The following UBE2E2 variants were observed in gnomAD, a reference collection of about 807,000 sequenced individuals.
UBE2E2 encodes the protein ubiquitin conjugating enzyme E2 E2, also known as ubiquitin-conjugating enzyme E2 E2.
UBE2E2 carries 6 observed loss-of-function variants against 24.7 expected under a neutral mutation model. The ratio of observed to expected loss-of-function variants is 0.24; its 90% CI spans 0.13 to 0.48. UBE2E2 has a LOEUF of 0.48. UBE2E2 is among the 20% of genes least tolerant of loss of function. The pLI is 0.99. For synonymous variants in UBE2E2, 104 were observed against 83.6 expected, an observed-to-expected ratio of 1.24 and a Z score of -1.33; for missense variants, 169 against 245.0, an observed-to-expected ratio of 0.69 and a Z score of 2.07.
chr3:23,319,017 G>A (rs1004968928), intron 3 of UBE2E2, among the ~76,000 whole-genome samples: 10 of 152,146 alleles, frequency 6.6e-5, no homozygotes, highest in Non-Finnish European at 1.0e-4. Flanking sequence ...GGAGAATGTT[G>A]TGTGTTTAAG....
chr3:23,407,046 T>C lies in UBE2E2; in HGVS notation c.228-92562T>C, dbSNP rs1697371830. ...TGGTGATACTTTTAATTCATTGGAT[T>C]ATTCCCTTCCCCAGTTCCCCAAGTA... On this transcript the variant is annotated intron_variant, in intron 3 of 5. Coordinates refer to ENST00000396703, the MANE Select transcript of UBE2E2 (RefSeq NM_152653.4). This position sits in a 1 kb window ranked among gnomAD's most constrained non-coding sequence, Gnocchi z 4.0. Among the ~76,000 whole-genome samples the C allele has an allele frequency of 6.6e-6, 1 of 152,196 alleles. No individual in the cohort carries two copies.
intron 3 of UBE2E2, among the ~76,000 whole-genome samples, chr3:23,343,717 G>C (rs75966419): frequency 0.029 from 4,393 of 152,266 alleles, 110 homozygotes; most frequent in East Asian, 0.13. Flanking sequence ...TCCTTTCCAA[G>C]GAGACCTCGT....
At chr3:23,277,468 CTAT>C (rs1698397367) in intron 3 of UBE2E2, among the ~76,000 whole-genome samples, 1 of 152,090 alleles carries the variant, frequency 6.6e-6, no homozygotes, top group Non-Finnish European at 1.5e-5. Context: ...ACCTCATAGA[CTAT>C]CTAACTCTAA....
In UBE2E2 at chr3:23,436,549, C is replaced by G. The variant is rs1034097356; in HGVS notation, c.228-63059C>G. On this transcript the variant is annotated intron_variant, in intron 3 of 5. Coordinates refer to ENST00000396703, the MANE Select transcript of UBE2E2 (RefSeq NM_152653.4). ...ATCTGAGTATAAGTTCTAATTATAT[C>G]TTGATTTACAGAAGATTTTTTTTTT... Among the ~76,000 whole-genome samples, 7 of 146,570 alleles carry G rather than the reference C, an allele frequency of 4.8e-5. No individual in the cohort carries two copies. In the South Asian group the frequency reaches 1.5e-3, roughly 32 times the overall value.
chr3:23,220,117 A>G (rs993262499), intron 3 of UBE2E2, among the ~76,000 whole-genome samples: 93 of 152,316 alleles, frequency 6.1e-4, no homozygotes, highest in African/African-American at 2.2e-3. Context: ...CACAGCATTC[A>G]GTGTAGATAA....
intron 3 of UBE2E2, among the ~76,000 whole-genome samples, chr3:23,312,345 G>A (rs1275346949): frequency 1.3e-5 from 2 of 152,102 alleles, no homozygotes; most frequent in Non-Finnish European, 2.9e-5. Context: ...AATCATATCA[G>A]GGTAAATGTA....
At chr3:23,519,372 C>T (rs1249030753) in intron 4 of UBE2E2, among the ~76,000 whole-genome samples, 2 of 151,874 alleles carry the variant, frequency 1.3e-5, no homozygotes, top group Non-Finnish European at 1.5e-5. Context: ...CCAACTAAAA[C>T]TTTCAAATAT....
At chr3:23,318,644 C>T (rs766556156) in intron 3 of UBE2E2, among the ~76,000 whole-genome samples, 4 of 152,070 alleles carry the variant, frequency 2.6e-5, no homozygotes, top group Admixed American at 6.6e-5. Flanking sequence ...AGGGGAAACC[C>T]CTTATAAAAA....
intron 4 of UBE2E2, among the ~76,000 whole-genome samples, chr3:23,501,042 G>C (rs1179923033): frequency 2.0e-5 from 3 of 152,032 alleles, no homozygotes; most frequent in Middle Eastern, 3.4e-3. Flanking sequence ...CCCTTTACTG[G>C]ATGGGACCCT....
chr3:23,382,938 C>T (rs934621859), intron 3 of UBE2E2, among the ~76,000 whole-genome samples: 13 of 151,966 alleles, frequency 8.6e-5, no homozygotes, highest in Admixed American at 2.6e-4. Context: ...GAGGAATAAA[C>T]AGGTGTAAAC....
At chr3:23,500,498 G>C (rs1384371540) in intron 4 of UBE2E2, among the ~76,000 whole-genome samples, 2 of 152,124 alleles carry the variant, frequency 1.3e-5, no homozygotes, top group African/African-American at 4.8e-5. Context: ...GTCTCCATTA[G>C]CATTTGTTCT....
intron 3 of UBE2E2, among the ~76,000 whole-genome samples, chr3:23,375,135 C>T (rs1696489677): frequency 6.6e-6 from 1 of 151,796 alleles, no homozygotes; most frequent in South Asian, 2.1e-4. Flanking sequence ...TTATAAAATC[C>T]CATTGATATG....
intron 5 of UBE2E2, among the ~76,000 whole-genome samples, chr3:23,561,557 T>C (rs2125504958): frequency 6.6e-6 from 1 of 152,154 alleles, no homozygotes; most frequent in Non-Finnish European, 1.5e-5. Flanking sequence ...CAATGCGGGC[T>C]CTTTTTTGGT....
chr3:23,491,132 A>C (rs1197269186), intron 3 of UBE2E2, among the ~76,000 whole-genome samples: 1 of 152,138 alleles, frequency 6.6e-6, no homozygotes, highest in Non-Finnish European at 1.5e-5. Flanking sequence ...ACTTCCTAAG[A>C]TGTTTTGGTA....
At chr3:23,356,778 A>G (rs1053415913) in intron 3 of UBE2E2, among the ~76,000 whole-genome samples, 2 of 152,208 alleles carry the variant, frequency 1.3e-5, no homozygotes, top group Admixed American at 6.5e-5. Flanking sequence ...TATGCTGCAT[A>G]ACAAACAACA....
intron 5 of UBE2E2, among the ~76,000 whole-genome samples, chr3:23,586,527 G>T (rs1013198912): frequency 6.6e-6 from 1 of 151,948 alleles, no homozygotes; most frequent in African/African-American, 2.4e-5. Flanking sequence ...TGAACTCCTG[G>T]CCTCAAGCTG....
At chr3:23,454,338 A>G (rs1322924747) in intron 3 of UBE2E2, among the ~76,000 whole-genome samples, 1 of 152,202 alleles carries the variant, frequency 6.6e-6, no homozygotes, top group African/African-American at 2.4e-5. Flanking sequence ...ACGCTTTGAA[A>G]AAGAATGGTT....
chr3:23,344,369 T>C (rs1238817451), intron 3 of UBE2E2, among the ~76,000 whole-genome samples: 1 of 152,084 alleles, frequency 6.6e-6, no homozygotes, highest in Non-Finnish European at 1.5e-5. Context: ...CGAAGGCTCA[T>C]GTGAAAAAGC....
At chr3:23,419,055 G>C (rs1343977613) in intron 3 of UBE2E2, among the ~76,000 whole-genome samples, 3 of 151,700 alleles carry the variant, frequency 2.0e-5, no homozygotes, top group Non-Finnish European at 4.4e-5. Flanking sequence ...CTGGGCCCAA[G>C]GGAACCTCCT....
Sources: allele counts gnomAD v4.1 joint callset (sites outside exome capture counted in the v4.1 genomes callset), GRCh38; gene constraint gnomAD v4.1.1; non-coding constraint Gnocchi (gnomAD v3.1); transcripts MANE v1.5; gene names NCBI Gene and HGNC (gene_info 2026-07-23, HGNC 2026-07-21).